The following SENP7 variants were observed in gnomAD, a reference collection of about 807,000 sequenced individuals.
SENP7 encodes sentrin-specific protease 7.
SENP7 carries 64 observed loss-of-function variants against 141.2 expected under a neutral mutation model. The ratio of observed to expected loss-of-function variants is 0.45; its 90% CI spans 0.37 to 0.56. The LOEUF is 0.56. SENP7 is among the 20% of genes least tolerant of loss of function. The probability of loss-of-function intolerance (pLI) is 0.00; values close to 1 mark genes in which losing one functional copy is unlikely to be tolerated. For synonymous variants in SENP7, 382 were observed against 426.4 expected (o/e 0.90, Z 1.28); for missense variants, 1,025 against 1,212.2 (o/e 0.85, Z 2.29).
At chr3:101,441,514 T>C (rs1032681301) in intron 4 of SENP7, among the ~76,000 whole-genome samples, 2 of 152,132 alleles carry the variant, frequency 1.3e-5, no homozygotes, top group African/African-American at 4.8e-5. Context: ...TCAAGGGGCC[T>C]AAGCACTAGC....
At chr3:101,397,389 T>G (rs1447688873) in intron 6 of SENP7, among the ~76,000 whole-genome samples, 1 of 152,152 alleles carries the variant, frequency 6.6e-6, no homozygotes, top group Admixed American at 6.6e-5. Context: ...TGCCTCAGCC[T>G]CCCAAAGGGC....
chr3:101,331,394 G>C (rs891534534), intron 19 of SENP7, among the ~76,000 whole-genome samples: 2 of 150,822 alleles, frequency 1.3e-5, no homozygotes, highest in African/African-American at 4.9e-5. Flanking sequence ...AAGGCAGGAG[G>C]ATTACTTGAG....
intron 4 of SENP7, among the ~76,000 whole-genome samples, chr3:101,456,261 G>T (rs986982106): frequency 6.6e-6 from 1 of 151,936 alleles, no homozygotes; most frequent in Non-Finnish European, 1.5e-5. Context: ...TCAAAAATTG[G>T]CTGAGTAAAC....
At chr3:101,372,156 T>C in intron 6 of SENP7, 30 bp from the exon 7 acceptor site, 1 of 1,213,204 alleles carries the variant, frequency 8.2e-7, no homozygotes, top group Non-Finnish European at 1.1e-6. Flanking sequence ...TATACTCAAT[T>C]CTAATAAAGC....
chr3:101,436,553 A>C (rs1226550676), intron 4 of SENP7, among the ~76,000 whole-genome samples: 1 of 152,230 alleles, frequency 6.6e-6, no homozygotes, highest in African/African-American at 2.4e-5. Flanking sequence ...CAGAATATAC[A>C]AAGAGTCCAA....
At chr3:101,387,067 T>G (rs1173223727) in intron 6 of SENP7, among the ~76,000 whole-genome samples, 2 of 151,902 alleles carry the variant, frequency 1.3e-5, no homozygotes, top group Non-Finnish European at 2.9e-5. Context: ...GTACATGCCT[T>G]CCCTGGCCAC....
intron 4 of SENP7, among the ~76,000 whole-genome samples, chr3:101,449,058 C>T (rs866795472): frequency 2.0e-4 from 31 of 152,236 alleles, no homozygotes; most frequent in Middle Eastern, 6.8e-3. Flanking sequence ...AAAACCAAGG[C>T]ACGAGAAGTA....
chr3:101,365,614 G>A (rs1405621790), intron 9 of SENP7, among the ~76,000 whole-genome samples: 8 of 121,728 alleles, frequency 6.6e-5, no homozygotes, highest in East Asian at 2.4e-4. Context: ...TAGCCTGGCC[G>A]ACAGAGAGAG....
intron 11 of SENP7, among the ~76,000 whole-genome samples, chr3:101,360,888 A>C (rs549628666): frequency 6.6e-6 from 1 of 152,286 alleles, no homozygotes; most frequent in South Asian, 2.1e-4. Context: ...TTAGGATTTT[A>C]AAAGGTCAAA....
At chr3:101,389,013 A>T (rs1040225284) in intron 6 of SENP7, among the ~76,000 whole-genome samples, 4 of 152,208 alleles carry the variant, frequency 2.6e-5, no homozygotes, top group Admixed American at 1.3e-4. Context: ...AAAATGACCA[A>T]ATATTCCATT....
chr3:101,357,018 T>C (rs1396190205), intron 11 of SENP7, among the ~76,000 whole-genome samples: 1 of 152,164 alleles, frequency 6.6e-6, no homozygotes, highest in Non-Finnish European at 1.5e-5. Context: ...TTTTTTTTTT[T>C]GAGACAGAGT....
Position 101,467,157 on chromosome 3 carries a change from G to A in SENP7, c.187-8105C>T, listed in dbSNP as rs899875209. 5.3e-5 allele frequency among the ~76,000 whole-genome samples: 8 copies of A among 152,376 alleles called. No homozygotes were observed. In the East Asian group the frequency reaches 1.5e-3, roughly 29 times the overall value. ...GGGGCATCCGCCATTGCTGAGGCTT[G>A]AGTAGGTAAACAAAGTGGCCGGGCA... On this transcript the variant is annotated intron_variant, in intron 3 of 23. Coordinates refer to ENST00000394095, the MANE Select transcript of SENP7 (RefSeq NM_020654.5).
At chr3:101,462,908 T>G (rs2063596133) in intron 3 of SENP7, among the ~76,000 whole-genome samples, 1 of 151,400 alleles carries the variant, frequency 6.6e-6, no homozygotes, top group South Asian at 2.1e-4. Context: ...AGGAAAAGAC[T>G]GATAAACTAC....
chr3:101,357,646 T>C, intron 11 of SENP7: 1 of 778,256 alleles, frequency 1.3e-6, no homozygotes, highest in South Asian at 1.4e-5. Context: ...ATAATGGACT[T>C]AACCAATGTT....
chr3:101,404,155 C>T (rs2061233077), intron 5 of SENP7, among the ~76,000 whole-genome samples: 1 of 152,156 alleles, frequency 6.6e-6, no homozygotes, highest in Admixed American at 6.5e-5. Flanking sequence ...AATCACCTTA[C>T]ATCCCTTCAA....
chr3:101,442,262 C>T (rs1345277132), intron 4 of SENP7, among the ~76,000 whole-genome samples: 1 of 152,236 alleles, frequency 6.6e-6, no homozygotes, highest in African/African-American at 2.4e-5. Flanking sequence ...TCCCCAACTT[C>T]TTGGCACCAG....
chr3:101,327,740 G>A lies in SENP7; in HGVS notation c.2941C>T (p.Pro981Ser). 6.2e-7 allele frequency: 1 copy of A among 1,611,180 alleles called. No individual in the cohort carries two copies. The highest frequency in any genetic ancestry group is 8.5e-7 in the Non-Finnish European group (1 of 1,178,300). The change falls in exon 23 of 24, where the codon CCT becomes TCT. Residue 981 changes from proline to serine, a missense_variant. Physicochemically the swap from Pro to Ser is moderately conservative, Grantham distance 74. Around this residue, in one of 4 missense-constraint regions of SENP7, gnomAD observed 295 missense variants for 459.1 expected, o/e 0.64. Coordinates refer to ENST00000394095, the MANE Select transcript of SENP7 (RefSeq NM_020654.5). ...CTATTGTCCTGTTTAGGAACTTTAGGGCATAGATCCACCATGTTTGTTTTG... is the reference window on the plus strand; with the variant it reads ...CTATTGTCCTGTTTAGGAACTTTAGAGCATAGATCCACCATGTTTGTTTTG... The part of the protein sequence containing the change: ...FSKTNMVDLC[P>S]KVPKQDNSSD...
intron 4 of SENP7, among the ~76,000 whole-genome samples, chr3:101,453,697 C>G (rs1358850882): frequency 6.6e-6 from 1 of 151,640 alleles, no homozygotes; most frequent in Non-Finnish European, 1.5e-5. Context: ...AGGGGAACAT[C>G]ACACACCGGG....
chr3:101,496,824 C>T (rs1364449589), intron 2 of SENP7, among the ~76,000 whole-genome samples: 2 of 152,170 alleles, frequency 1.3e-5, no homozygotes, highest in Admixed American at 6.5e-5. Context: ...GTGATCCACC[C>T]GCCTTGGCCT....
Sources: allele counts gnomAD v4.1 joint callset (sites outside exome capture counted in the v4.1 genomes callset), GRCh38; gene constraint gnomAD v4.1.1; regional missense constraint gnomAD v4.1.1; transcripts MANE v1.5; gene names NCBI Gene and HGNC (gene_info 2026-07-23, HGNC 2026-07-21).